CDHR2: variants seen among roughly 807,000 people sequenced by gnomAD.
CDHR2 encodes the protein cadherin-related family member 2.
CDHR2 carries 104 observed loss-of-function variants against 138.6 expected under a neutral mutation model. The observed-to-expected ratio is 0.75, with a 90% CI of 0.64 to 0.88. The LOEUF (loss-of-function observed/expected upper bound fraction) is 0.88, where lower values mean the gene tolerates loss of function less well. CDHR2 is among the 40% of genes least tolerant of loss of function. CDHR2 has a pLI of 0.00. For missense variants in CDHR2, 1,624 were observed against 1,727.6 expected, an observed-to-expected ratio of 0.94 and a Z score of 1.06; for synonymous variants, 755 against 742.8, an observed-to-expected ratio of 1.02 and a Z score of -0.27.
At position 176,585,994 on chromosome 5, in the gene CDHR2, A is replaced by AC; in HGVS notation, c.2778dup (p.Tyr927LeufsTer5). On this transcript the variant is annotated frameshift_variant, in exon 20 of 32. Coordinates refer to ENST00000261944, the MANE Select transcript of CDHR2 (RefSeq NM_017675.6). LOFTEE classifies it high-confidence loss of function. ...CCATTGAGGACGTGAATGACAATGC[A>AC]CCCTATTTTCTGCCTGAGAATAAGA... 6.2e-7 allele frequency: 1 copy of AC among 1,613,786 alleles called. No homozygotes were observed. Among genetic ancestry groups the AC allele is most frequent in the Non-Finnish European group, 8.5e-7 (1 of 1,179,938 alleles).
chr5:176,556,648 GAGC>G (rs1757833508), intron 1 of CDHR2: 1 of 152,524 alleles, frequency 6.6e-6, no homozygotes, highest in Non-Finnish European at 1.5e-5. Context: ...CTGGGCGACA[GAGC>G]GAGACTCCGT....
At chr5:176,591,595 T>G (rs1284173697) in intron 30 of CDHR2, 111 bp downstream of exon 30, 2 of 835,618 alleles carry the variant, frequency 2.4e-6, no homozygotes, top group Non-Finnish European at 4.0e-6. Flanking sequence ...GGTGATGGTG[T>G]GGTCATGGTA....
chr5:176,555,749 A>C (rs1011198632), intron 1 of CDHR2, among the ~76,000 whole-genome samples: 1 of 150,792 alleles, frequency 6.6e-6, no homozygotes, highest in African/African-American at 2.4e-5. Flanking sequence ...TCTACTAAAA[A>C]TAAAAAAATT....
chr5:176,590,585 C>T lies in CDHR2; in HGVS notation c.3437C>T (p.Ser1146Leu), dbSNP rs1561882427. The T allele has an allele frequency of 1.9e-6, 3 of 1,613,914 alleles. No homozygotes were observed. The highest frequency in any genetic ancestry group is 3.3e-5 in the Admixed American group (2 of 60,002). The change falls in exon 28 of 32, where the codon TCA (serine) becomes TTA (leucine). Residue 1146 changes from serine to leucine, a missense_variant. Physicochemically the swap from Ser to Leu is moderately radical, Grantham distance 145. Around this residue, in one of 3 missense-constraint regions of CDHR2, gnomAD observed 556 missense variants for 565.7 expected, o/e 0.98. Coordinates refer to ENST00000261944, the MANE Select transcript of CDHR2 (RefSeq NM_017675.6). ...VVLGSQESQE[S>L]DLSKQLISVI... ...CAGGGCTCCCAGGAGAGCCAGGAGT[C>T]AGACCTGTCGAAACAGCTCATCAGT...
At position 176,577,489 on chromosome 5, in the gene CDHR2, G is replaced by C. The variant is rs34827556; in HGVS notation, c.1285G>C (p.Val429Leu). 4.3e-6 allele frequency: 7 copies of C among 1,611,746 alleles called. No individual in the cohort carries two copies. Among genetic ancestry groups the C allele is most frequent in the Non-Finnish European group, 5.9e-6 (7 of 1,179,280 alleles). ...SPERAVGSAS[V>L]QVLVRVSALV... ...GGAGCGGGCAGTGGGCTCAGCCTCC[G>C]TTCAGGTGCTGGTGAGAGTATCCGC... is the stretch of plus-strand genomic sequence containing the variant. The change falls in exon 13 of 32, where the codon GTT (valine) becomes CTT (leucine). Residue 429 changes from valine to leucine, a missense_variant. Coordinates refer to ENST00000261944, the MANE Select transcript of CDHR2 (RefSeq NM_017675.6).
chr5:176,558,382 ATTTTTTT>A (rs568355994), intron 1 of CDHR2, among the ~76,000 whole-genome samples: 3 of 120,708 alleles, frequency 2.5e-5, no homozygotes, highest in Non-Finnish European at 5.2e-5. Context: ...TGCCCAGCTA[ATTTTTTT>A]TTTTTTTTTT....
Position 176,577,655 on chromosome 5 carries a change from G to C in CDHR2, c.1369G>C (p.Val457Leu), listed in dbSNP as rs73345161. ...CCCCCAGGTTGTGGCCACAGACTCC[G>C]TCAGCCAGAACTTCTCCGTCGCCAT... ...MAVQVVATDSVSQNFSVAMVT... is the reference protein window; with the variant it reads ...MAVQVVATDSLSQNFSVAMVT... Residue 457 changes from valine (V) to leucine (L), a missense_variant, in exon 14 of 32, where the codon GTC (valine) becomes CTC (leucine). Physicochemically the swap from Val to Leu is conservative, Grantham distance 32 (BLOSUM62 1). Around this residue, in one of 3 missense-constraint regions of CDHR2, gnomAD observed 1,061 missense variants for 1,136.6 expected, o/e 0.93. Coordinates refer to ENST00000261944, the MANE Select transcript of CDHR2 (RefSeq NM_017675.6). 3 of 1,614,050 alleles carry C rather than the reference G, an allele frequency of 1.9e-6. No homozygotes were observed. The highest frequency in any genetic ancestry group is 2.7e-5 in the African/African-American group (2 of 74,920).
chr5:176,591,296 C>T lies in CDHR2; in HGVS notation c.3626C>T (p.Pro1209Leu), dbSNP rs2113332305. 3 of 1,613,992 alleles carry T rather than the reference C, an allele frequency of 1.9e-6. No individual in the cohort carries two copies. The East Asian group carries it at 6.7e-5, about 36-fold the overall frequency. Residue 1209 changes from proline (P) to leucine (L), a missense_variant, in exon 29 of 32, where the codon CCA becomes CTA. By Grantham distance (98) the Pro-to-Leu change is moderately conservative. Transcript: ENST00000261944. ...AGVMPSAPAI[P>L]GTNMYNTERA... The stretch of plus-strand genomic sequence containing the variant: ...GTGATGCCCTCAGCCCCTGCCATCC[C>T]AGGGACTAACATGTACAACACTGAG...
rs1037189393 is a variant in CDHR2, at chr5:176,576,283, T to A, written c.1194+98T>A. 13 of 969,546 alleles carry A rather than the reference T, an allele frequency of 1.3e-5. No homozygotes were observed. The highest frequency in any genetic ancestry group is 2.0e-5 in the Non-Finnish European group (13 of 645,616). 60.1% of individuals were successfully genotyped at this position (969,546 alleles called of 1,614,324 possible). Reference sequence around the variant, plus strand: ...GTCATGTGGTGCTGGGTGGCGGTGCTGGTGGTGCAGGGTGTGATGGCGGAG... The same window carrying A: ...GTCATGTGGTGCTGGGTGGCGGTGCAGGTGGTGCAGGGTGTGATGGCGGAG... On this transcript the variant is annotated intron_variant, in intron 12 of 31. Coordinates refer to ENST00000261944, the MANE Select transcript of CDHR2 (RefSeq NM_017675.6). This position sits in a 1 kb window ranked among gnomAD's most constrained non-coding sequence, Gnocchi z 4.5.
At chr5:176,544,320 T>A (rs963486079) in intron 1 of CDHR2, among the ~76,000 whole-genome samples, 1 of 152,156 alleles carries the variant, frequency 6.6e-6, no homozygotes, top group Non-Finnish European at 1.5e-5. Context: ...AATTTCTTTC[T>A]TTCTTTCTTT....
At chr5:176,587,795 C>G (rs1285628378) in intron 21 of CDHR2, among the ~76,000 whole-genome samples, 2 of 152,198 alleles carry the variant, frequency 1.3e-5, no homozygotes, top group African/African-American at 4.8e-5. Flanking sequence ...TCTCTCGGAG[C>G]CTCAGCTTCC....
At chr5:176,552,361 A>G (rs1487825225) in intron 1 of CDHR2, among the ~76,000 whole-genome samples, 1 of 152,252 alleles carries the variant, frequency 6.6e-6, no homozygotes, top group Non-Finnish European at 1.5e-5. Flanking sequence ...GGTTTAGGCA[A>G]ATGGAGGAAG....
chr5:176,579,515 C>A (rs62404702), intron 16 of CDHR2, among the ~76,000 whole-genome samples: 1,939 of 152,246 alleles, frequency 0.013, 26 homozygotes, highest in Middle Eastern at 0.037. Flanking sequence ...CTCCTTGGGG[C>A]AGGAGCATTT....
chr5:176,548,210 C>T (rs567915042), upstream of CDHR2, among the ~76,000 whole-genome samples: 212 of 152,306 alleles, frequency 1.4e-3, no homozygotes, highest in African/African-American at 4.9e-3. Context: ...ATGTGTGGTT[C>T]GTTGTTGACC....
rs1176933386 is a variant in CDHR2, at chr5:176,578,406, C to T, written c.1616C>T (p.Thr539Met). 9.9e-6 allele frequency: 16 copies of T among 1,613,910 alleles called. No homozygotes were observed. Among genetic ancestry groups the T allele is most frequent in the Middle Eastern group, 1.6e-4 (1 of 6,084 alleles). ...FQVDPVSGTV[T>M]VRNGELLDRE... ...GTGGATCCCGTCTCAGGGACGGTGA[C>T]GGTGAGGAACGGTGAGCTGCTGGAC... Residue 539 changes from threonine to methionine, a missense_variant, in exon 16 of 32, where the codon ACG becomes ATG. Physicochemically the swap from Thr to Met is moderately conservative, Grantham distance 81 (BLOSUM62 -1). This residue lies in a region of CDHR2 where 1,061 missense variants were observed against 1,136.6 expected (regional missense o/e 0.93). Transcript: ENST00000261944.
intron 19 of CDHR2, 30 bp from the exon 20 acceptor site, chr5:176,585,924 G>C (rs1758652972): frequency 1.3e-6 from 2 of 1,591,338 alleles, no homozygotes; most frequent in Non-Finnish European, 1.7e-6. Context: ...CTTTTGCCCA[G>C]AGCCAAAGCC....
intron 31 of CDHR2, among the ~76,000 whole-genome samples, chr5:176,594,930 A>T (rs1758984384): frequency 6.6e-6 from 1 of 152,036 alleles, no homozygotes. Flanking sequence ...GCCATGATAA[A>T]CTGCAGGTGG....
chr5:176,544,451 C>CTCTCTTTCCTCT, upstream of CDHR2, among the ~76,000 whole-genome samples: 2 of 146,282 alleles, frequency 1.4e-5, no homozygotes, highest in Admixed American at 1.4e-4. Context: ...TTCTCTCTTT[C>CTCTCTTTCCTCT]CTTTTTTTGA....
intron 1 of CDHR2, among the ~76,000 whole-genome samples, chr5:176,559,210 A>T (rs1757911660): frequency 6.6e-6 from 1 of 152,206 alleles, no homozygotes. Context: ...TTGATCAAGC[A>T]AGTCACTAAG....
Sources: gnomAD v4.1 joint callset for allele counts (sites outside exome capture counted in the v4.1 genomes callset) on GRCh38, gnomAD v4.1.1 for gene constraint, gnomAD v4.1.1 regional missense constraint, Gnocchi (gnomAD v3.1) non-coding constraint, MANE v1.5 for transcripts, NCBI Gene and HGNC (gene_info 2026-07-23, HGNC 2026-07-21) for gene names.